RBMS3: variants seen among roughly 807,000 people sequenced by gnomAD.
RBMS3 encodes RNA-binding motif, single-stranded-interacting protein 3.
In RBMS3, 27 loss-of-function variants were observed where a neutral mutation model predicts 66.8. The ratio of observed to expected loss-of-function variants is 0.40; its 90% CI spans 0.30 to 0.56. The LOEUF (loss-of-function observed/expected upper bound fraction) is 0.56. Ranked by LOEUF, RBMS3 falls within the 20% of genes least tolerant of loss-of-function variation. The pLI, the probability that RBMS3 is intolerant of heterozygous loss-of-function variation, is 0.40. For missense variants in RBMS3, 513 were observed against 549.5 expected, an observed-to-expected ratio of 0.93 and a Z score of 0.66; for synonymous variants, 188 against 183.0, an observed-to-expected ratio of 1.03 and a Z score of -0.22.
intron 1 of RBMS3, among the ~76,000 whole-genome samples, chr3:29,363,065 C>T (rs1274975916): frequency 1.3e-5 from 2 of 152,282 alleles, no homozygotes; most frequent in East Asian, 3.9e-4. Context: ...TTATATCTGA[C>T]AATGGCTTGA....
intron 3 of RBMS3, among the ~76,000 whole-genome samples, chr3:29,580,874 T>C (rs2047305834): frequency 6.6e-6 from 1 of 152,170 alleles, no homozygotes; most frequent in Non-Finnish European, 1.5e-5. Flanking sequence ...GTTTTCTGTA[T>C]AGTGGATATT....
Position 29,359,281 on chromosome 3 carries a change from C to CTTT in RBMS3, c.76-75460_76-75458dup, listed in dbSNP as rs1025988926. ...AGGGCTGTTGAATTTTGTCAAAGGC[C>CTTT]TTTTCTGCATCTGCTGAGACAATCA... is the stretch of plus-strand genomic sequence containing the variant. On this transcript the variant is annotated intron_variant, in intron 1 of 14. Transcript: ENST00000383767. Among the ~76,000 whole-genome samples, 169 of 152,200 alleles carry CTTT rather than the reference C, an allele frequency of 1.1e-3. 1 individual carries two copies. Among genetic ancestry groups the CTTT allele is most frequent in the African/African-American group, 3.7e-3 (155 of 41,534 alleles).
intron 10 of RBMS3, among the ~76,000 whole-genome samples, chr3:29,930,090 G>C (rs1577178850): frequency 1.0e-5 from 1 of 99,194 alleles, no homozygotes; most frequent in African/African-American, 3.4e-5. Flanking sequence ...TGAATACTTT[G>C]TGTCACTTTT....
At chr3:29,640,286 C>A (rs9838569) in intron 4 of RBMS3, among the ~76,000 whole-genome samples, 2,771 of 123,010 alleles carry the variant, frequency 0.023, 73 homozygotes, top group African/African-American at 0.076. Context: ...ACACACACAC[C>A]CACACACACA....
At chr3:29,372,818 T>A (rs999613321) in intron 1 of RBMS3, among the ~76,000 whole-genome samples, 6 of 151,848 alleles carry the variant, frequency 4.0e-5, no homozygotes, top group Non-Finnish European at 7.4e-5. Context: ...AGTTTACTTG[T>A]CTATAAAATG....
intron 2 of RBMS3, among the ~76,000 whole-genome samples, chr3:29,482,701 C>CTTTTTTTTTTTTTTTTTTTTTTTTTTTTT (rs755520785): frequency 6.5e-5 from 5 of 77,506 alleles, no homozygotes; most frequent in Admixed American, 1.9e-4. Context: ...TTCTTTCTTT[C>CTTTTTTTTTTTTTTTTTTTTTTTTTTTTT]TTTTTTTTTT....
At chr3:29,316,247 A>G (rs774471872) in intron 1 of RBMS3, among the ~76,000 whole-genome samples, 7 of 151,652 alleles carry the variant, frequency 4.6e-5, no homozygotes, top group Non-Finnish European at 7.4e-5. Context: ...CTACAATATG[A>G]TATTTTCTAA....
At chr3:29,943,291 A>G (rs941310154) in intron 11 of RBMS3, among the ~76,000 whole-genome samples, 5 of 151,860 alleles carry the variant, frequency 3.3e-5, no homozygotes, top group African/African-American at 1.2e-4. Context: ...ATTTGAATCT[A>G]AACAATATCA....
intron 11 of RBMS3, among the ~76,000 whole-genome samples, chr3:29,941,743 G>A (rs1007892793): frequency 3.3e-5 from 5 of 151,708 alleles, no homozygotes; most frequent in African/African-American, 1.2e-4. Flanking sequence ...TGAACAGATA[G>A]TTGATAAAAG....
At chr3:29,785,447 T>A (rs1479648044) in intron 6 of RBMS3, among the ~76,000 whole-genome samples, 1 of 151,986 alleles carries the variant, frequency 6.6e-6, no homozygotes, top group Admixed American at 6.6e-5. Flanking sequence ...CTAAAATTCA[T>A]ATGGAACAAA....
At chr3:29,660,941 A>C (rs1346434917) in intron 4 of RBMS3, among the ~76,000 whole-genome samples, 1 of 152,206 alleles carries the variant, frequency 6.6e-6, no homozygotes, top group Admixed American at 6.5e-5. Flanking sequence ...CTTTGTCTGC[A>C]CTTTTGTAAT....
intron 1 of RBMS3, among the ~76,000 whole-genome samples, chr3:29,351,006 A>T (rs760681893): frequency 6.6e-6 from 1 of 152,094 alleles, no homozygotes; most frequent in East Asian, 1.9e-4. Context: ...TTATGTGTAT[A>T]TATATATATT....
chr3:29,698,169 G>A (rs142201818), intron 4 of RBMS3: 139 of 969,734 alleles, frequency 1.4e-4, no homozygotes, highest in Admixed American at 1.3e-3. Flanking sequence ...TCCTTCTTCA[G>A]ACTACTGTTA....
chr3:29,643,827 T>A (rs1405690926), intron 4 of RBMS3, among the ~76,000 whole-genome samples: 1 of 152,152 alleles, frequency 6.6e-6, no homozygotes, highest in African/African-American at 2.4e-5. Context: ...CTCGTCTCAT[T>A]TCTGTAATCA....
intron 6 of RBMS3, among the ~76,000 whole-genome samples, chr3:29,773,865 T>C (rs1236828218): frequency 1.3e-5 from 2 of 152,090 alleles, no homozygotes; most frequent in Non-Finnish European, 2.9e-5. Context: ...TCTATAGCTT[T>C]CCTGAAGGAT....
intron 2 of RBMS3, among the ~76,000 whole-genome samples, chr3:29,436,892 A>C (rs1259491040): frequency 2.6e-5 from 4 of 152,214 alleles, no homozygotes; most frequent in Admixed American, 2.6e-4. Context: ...AAGAACACCA[A>C]CTATTTCTAT....
intron 4 of RBMS3, among the ~76,000 whole-genome samples, chr3:29,587,936 T>G (rs1401276434): frequency 2.0e-5 from 3 of 152,084 alleles, no homozygotes; most frequent in African/African-American, 7.2e-5. Context: ...TTTTGTGTCC[T>G]GATTGCAGTG....
intron 4 of RBMS3, among the ~76,000 whole-genome samples, chr3:29,736,560 G>A (rs915371011): frequency 2.6e-5 from 4 of 152,034 alleles, no homozygotes; most frequent in African/African-American, 9.7e-5. Flanking sequence ...AAGGGCAAAG[G>A]GGTATTGAAT....
chr3:29,311,023 G>T (rs2034341989), intron 1 of RBMS3, among the ~76,000 whole-genome samples: 1 of 151,878 alleles, frequency 6.6e-6, no homozygotes, highest in South Asian at 2.1e-4. Flanking sequence ...TATCAATAGT[G>T]CCACTGTGTT....
Sources: gnomAD v4.1 joint callset for allele counts (sites outside exome capture counted in the v4.1 genomes callset) on GRCh38, gnomAD v4.1.1 for gene constraint, MANE v1.5 for transcripts, NCBI Gene and HGNC (gene_info 2026-07-23, HGNC 2026-07-21) for gene names.